NCOA2: variants seen among roughly 807,000 people sequenced by gnomAD.
The protein encoded by NCOA2 is class E basic helix-loop-helix protein 75.
NCOA2 carries 21 observed loss-of-function variants against 145.1 expected under a neutral mutation model. That is an observed-to-expected ratio of 0.14 (90% CI 0.10 to 0.21). The LOEUF is 0.21. Among genes scored for constraint, NCOA2 ranks in the 10% least tolerant of loss-of-function variants. NCOA2 has a pLI of 1.00. For synonymous variants in NCOA2, 619 were observed against 637.5 expected, an observed-to-expected ratio of 0.97 and a Z score of 0.44; for missense variants, 1,472 against 1,837.6, an observed-to-expected ratio of 0.80 and a Z score of 3.64.
the NCOA2 span, among the ~76,000 whole-genome samples, chr8:70,412,647 CAAAAAAAAAAA>C: frequency 4.1e-5 from 2 of 48,304 alleles, no homozygotes; most frequent in Non-Finnish European, 8.3e-5. Flanking sequence ...TACTTCGTCT[CAAAAAAAAAAA>C]AAAAAAAAAA....
chr8:70,345,622 C>G (rs1808545184), intron 1 of NCOA2, among the ~76,000 whole-genome samples: 1 of 152,176 alleles, frequency 6.6e-6, no homozygotes. Flanking sequence ...TACTTCTCAT[C>G]AACTTATTGT....
chr8:70,439,583 G>C, the NCOA2 span, among the ~76,000 whole-genome samples: 1 of 152,242 alleles, frequency 6.6e-6, no homozygotes, highest in Non-Finnish European at 1.5e-5. Context: ...TCTGCCTTAA[G>C]AAGTGTACTG....
chr8:70,419,590 T>G, the NCOA2 span, among the ~76,000 whole-genome samples: 1 of 152,066 alleles, frequency 6.6e-6, no homozygotes, highest in African/African-American at 2.4e-5. Flanking sequence ...CCCTACTTAT[T>G]GTTTCTTTTC....
chr8:70,451,229 A>ATATATATATATATATATATATATAT, the NCOA2 span, among the ~76,000 whole-genome samples: 1 of 114,180 alleles, frequency 8.8e-6, no homozygotes, highest in African/African-American at 3.8e-5. Context: ...AAAAAAAAAA[A>ATATATATATATATATATATATATAT]AAAAAAAAAT....
intron 2 of NCOA2, among the ~76,000 whole-genome samples, chr8:70,218,199 GTT>G (rs34322124): frequency 7.5e-6 from 1 of 133,872 alleles, no homozygotes; most frequent in African/African-American, 2.9e-5. Context: ...AGTGGAGTTA[GTT>G]TTTTTTTTTT....
chr8:70,231,487 G>A (rs918669125), intron 2 of NCOA2, among the ~76,000 whole-genome samples: 1 of 152,208 alleles, frequency 6.6e-6, no homozygotes, highest in Non-Finnish European at 1.5e-5. Flanking sequence ...CACCCAAGGA[G>A]CTTTTGAAAC....
At chr8:70,317,285 G>A (rs1462106484) in intron 1 of NCOA2, among the ~76,000 whole-genome samples, 4 of 152,168 alleles carry the variant, frequency 2.6e-5, no homozygotes, top group Admixed American at 2.0e-4. Flanking sequence ...CAACTTGACT[G>A]GTGGACCTGG....
intron 4 of NCOA2, among the ~76,000 whole-genome samples, chr8:70,194,359 T>C (rs1403503047): frequency 6.6e-6 from 1 of 152,224 alleles, no homozygotes; most frequent in Admixed American, 6.5e-5. Context: ...TGATCAATGA[T>C]GTAATGAATA....
the NCOA2 span, among the ~76,000 whole-genome samples, chr8:70,439,266 CCTG>C: frequency 6.6e-6 from 1 of 152,126 alleles, no homozygotes; most frequent in African/African-American, 2.4e-5. Context: ...AAACACAGTC[CCTG>C]CCCTGAAGGA....
At chr8:70,197,164 T>A (rs964364912) in intron 4 of NCOA2, among the ~76,000 whole-genome samples, 4 of 152,196 alleles carry the variant, frequency 2.6e-5, no homozygotes, top group Non-Finnish European at 5.9e-5. Flanking sequence ...TATTAGACTT[T>A]ATTTAAACAT....
At chr8:70,301,296 A>G (rs891885833) in intron 1 of NCOA2, among the ~76,000 whole-genome samples, 18 of 152,252 alleles carry the variant, frequency 1.2e-4, no homozygotes, top group African/African-American at 4.3e-4. Flanking sequence ...TGTAGGCCTC[A>G]CAATTTTCTC....
chr8:70,182,991 C>G (rs577481940), intron 4 of NCOA2, among the ~76,000 whole-genome samples: 1 of 152,178 alleles, frequency 6.6e-6, no homozygotes, highest in Non-Finnish European at 1.5e-5. Context: ...AGCATTCATT[C>G]ATTCCCTGAT....
rs761464730 is a variant in NCOA2 at position 70,128,406 on chromosome 8, A to C, written c.3681+27T>G. The C allele has an allele frequency of 5.6e-6, 9 of 1,593,730 alleles. No homozygotes were observed. In the Admixed American group the frequency reaches 1.5e-4, roughly 27 times the overall value. The stretch of plus-strand genomic sequence containing the variant: ...AAAAGCAGCTGCATGCATACAATGA[A>C]AGCTAATGGCTGGTATGTTGCCTTA... On this transcript the variant is annotated intron_variant, in intron 18 of 22. Coordinates refer to ENST00000452400, the MANE Select transcript of NCOA2 (RefSeq NM_006540.4).
At chr8:70,268,350 AG>A (rs1410289521) in intron 2 of NCOA2, among the ~76,000 whole-genome samples, 1 of 152,212 alleles carries the variant, frequency 6.6e-6, no homozygotes, top group Non-Finnish European at 1.5e-5. Flanking sequence ...CTTACATTAT[AG>A]GGCTCCTCAT....
chr8:70,151,349 G>A (rs536883613), intron 11 of NCOA2, among the ~76,000 whole-genome samples: 22 of 151,734 alleles, frequency 1.4e-4, no homozygotes, highest in Non-Finnish European at 2.5e-4. Context: ...GTGCAGTGGT[G>A]TAATCTAGGC....
the NCOA2 span, among the ~76,000 whole-genome samples, chr8:70,445,671 T>C: frequency 6.6e-6 from 1 of 152,250 alleles, no homozygotes; most frequent in Non-Finnish European, 1.5e-5. Flanking sequence ...TCATGTTTTG[T>C]TGATGGGAGG....
intron 2 of NCOA2, among the ~76,000 whole-genome samples, chr8:70,249,098 G>T (rs1311787085): frequency 1.3e-5 from 2 of 152,018 alleles, no homozygotes; most frequent in Non-Finnish European, 2.9e-5. Context: ...ATGTTACATG[G>T]CACAACTGGC....
intron 14 of NCOA2, 45 bp from the exon 15 acceptor site, chr8:70,138,377 G>T: frequency 6.5e-7 from 1 of 1,533,854 alleles, no homozygotes; most frequent in East Asian, 2.3e-5. Context: ...AATCAAGGAA[G>T]CATTTATTTC....
At chr8:70,440,098 A>G in the NCOA2 span, among the ~76,000 whole-genome samples, 2 of 152,118 alleles carry the variant, frequency 1.3e-5, no homozygotes, top group Non-Finnish European at 2.9e-5. Context: ...CATCCTGGCT[A>G]ACACTGTGAA....
Sources: allele counts gnomAD v4.1 joint callset (sites outside exome capture counted in the v4.1 genomes callset), GRCh38; gene constraint gnomAD v4.1.1; transcripts MANE v1.5; gene names NCBI Gene and HGNC (gene_info 2026-07-23, HGNC 2026-07-21).